The following PLEKHG4B variants were observed in gnomAD, a reference collection of about 807,000 sequenced individuals.
PLEKHG4B encodes the protein pleckstrin homology and RhoGEF domain containing G4B.
In PLEKHG4B, 111 loss-of-function variants were observed where a neutral mutation model predicts 121.3. The observed-to-expected ratio is 0.92, with a 90% confidence interval of 0.78 to 1.07. The LOEUF is 1.07. PLEKHG4B is among the 50% of genes least tolerant of loss of function. PLEKHG4B has a pLI of 0.00. For synonymous variants in PLEKHG4B, 738 were observed against 725.0 expected (o/e 1.02, Z -0.29); for missense variants, 1,831 against 1,757.8 (o/e 1.04, Z -0.74).
At chr5:117,562 A>C (rs1560905427) in intron 2 of PLEKHG4B, among the ~76,000 whole-genome samples, 1 of 152,196 alleles carries the variant, frequency 6.6e-6, no homozygotes. Flanking sequence ...GGAGAAGTTT[A>C]GAGAAAAGGG....
chr5:145,150 C>T (rs776920179), intron 6 of PLEKHG4B, among the ~76,000 whole-genome samples: 5 of 152,326 alleles, frequency 3.3e-5, no homozygotes, highest in South Asian at 2.1e-4. Flanking sequence ...TTGGCCCATC[C>T]GCTGGGGACT....
chr5:170,517 G>A (rs1272476910), intron 14 of PLEKHG4B, among the ~76,000 whole-genome samples: 1 of 152,112 alleles, frequency 6.6e-6, no homozygotes, highest in Non-Finnish European at 1.5e-5. Flanking sequence ...GGCGAGGCTG[G>A]TCTTGAACTC....
chr5:130,112 A>G (rs1734736111), intron 2 of PLEKHG4B, among the ~76,000 whole-genome samples: 1 of 152,054 alleles, frequency 6.6e-6, no homozygotes, highest in Admixed American at 6.5e-5. Context: ...TCATCAGAAA[A>G]AGACAGACTT....
In PLEKHG4B at chr5:171,345, G is replaced by T; in HGVS notation, c.3951G>T (p.Gly1317=). 5 of 1,612,384 alleles carry T rather than the reference G, an allele frequency of 3.1e-6. No homozygotes were observed. The highest frequency in any genetic ancestry group is 4.2e-6 in the Non-Finnish European group (5 of 1,179,812). ...LKEASCGLAQ[G]QELGELRAAE... ...AGGCCAGCTGTGGCCTGGCCCAGGG[G>T]CAGGAGCTGGGCGAGCTCCGAGCCG... Residue 1317 remains glycine (G), a synonymous_variant, in exon 16 of 20, where the codon GGG becomes GGT. Coordinates refer to ENST00000637938, the MANE Select transcript of PLEKHG4B (RefSeq NM_052909.5).
Position 156,521 on chromosome 5 carries a change from A to G in PLEKHG4B, c.2349-252A>G, listed in dbSNP as rs1735786309. Among the ~76,000 whole-genome samples the G allele has an allele frequency of 6.6e-6, 1 of 151,876 alleles. No homozygotes were observed. Among genetic ancestry groups the G allele is most frequent in the African/African-American group, 2.4e-5 (1 of 41,346 alleles). The stretch of plus-strand genomic sequence containing the variant: ...AGCAGTCCCTGTCCATCTCAGCTGC[A>G]CACAGCCAGTCCCGCCTAAGCTGCC... On this transcript the variant is annotated intron_variant, in intron 10 of 19. Coordinates refer to ENST00000637938, the MANE Select transcript of PLEKHG4B (RefSeq NM_052909.5). The surrounding 1 kb of genome is among the most constrained non-coding windows in gnomAD (Gnocchi z 4.4).
At position 156,331 on chromosome 5, in the gene PLEKHG4B, C is replaced by T. The variant is rs1735781568; in HGVS notation, c.2348+121C>T. 2 of 1,115,434 alleles carry T rather than the reference C, an allele frequency of 1.8e-6. No individual in the cohort carries two copies. The highest frequency in any genetic ancestry group is 1.2e-6 in the Non-Finnish European group (1 of 857,278). 69.1% of individuals were successfully genotyped at this position (1,115,434 alleles called of 1,614,324 possible). Reference sequence around the variant, plus strand: ...AGCCCCCTCTGTGCTTGGTCCAGACCTCCATTCTGACAGCCACGCTTTGCC... The same window carrying T: ...AGCCCCCTCTGTGCTTGGTCCAGACTTCCATTCTGACAGCCACGCTTTGCC... On this transcript the variant is annotated intron_variant, in intron 10 of 19. Coordinates refer to ENST00000637938, the MANE Select transcript of PLEKHG4B (RefSeq NM_052909.5). This position sits in a 1 kb window ranked among gnomAD's most constrained non-coding sequence, Gnocchi z 4.4.
chr5:160,036 C>T (rs566197538), intron 11 of PLEKHG4B, among the ~76,000 whole-genome samples: 1 of 152,370 alleles, frequency 6.6e-6, no homozygotes, highest in East Asian at 1.9e-4. Context: ...CACCCAGAAA[C>T]TCCACGTTGT....
At position 174,064 on chromosome 5, in the gene PLEKHG4B, G is replaced by A. The variant is rs761618527; in HGVS notation, c.4368G>A (p.Gly1456=). 77 of 1,594,840 alleles carry A rather than the reference G, an allele frequency of 4.8e-5. No homozygotes were observed. Among genetic ancestry groups the A allele is most frequent in the Non-Finnish European group, 6.2e-5 (73 of 1,171,688 alleles). ...EVKSAWTDVI[G]RILWRQALKS... ...AGAGTGCATGGACCGATGTCATAGG[G>A]AGGATCCTGTGGCGGCAGGCACTAA... Residue 1456 remains glycine (G), a synonymous_variant, in exon 18 of 20, where the codon GGG becomes GGA. Coordinates refer to ENST00000637938, the MANE Select transcript of PLEKHG4B (RefSeq NM_052909.5).
chr5:178,335 C>T (rs1052064079), intron 18 of PLEKHG4B, among the ~76,000 whole-genome samples: 2 of 152,214 alleles, frequency 1.3e-5, no homozygotes, highest in Non-Finnish European at 2.9e-5. Context: ...GGGAGCCTCT[C>T]CTGCCCTGCT....
intron 18 of PLEKHG4B, among the ~76,000 whole-genome samples, chr5:176,246 T>C (rs1290580681): frequency 1.1e-4 from 6 of 57,098 alleles, no homozygotes; most frequent in South Asian, 7.9e-4. Context: ...CTGAAGAGCC[T>C]TCCTGGCCTT....
At chr5:123,310 A>T (rs1423013941) in intron 2 of PLEKHG4B, among the ~76,000 whole-genome samples, 1 of 152,238 alleles carries the variant, frequency 6.6e-6, no homozygotes, top group African/African-American at 2.4e-5. Flanking sequence ...TAAATAATCC[A>T]TGGGTAGAAA....
In PLEKHG4B at chr5:106,681, G is replaced by T. The variant is rs145078872; in HGVS notation, c.46-6570G>T. On this transcript the variant is annotated intron_variant, in intron 1 of 19. Transcript: ENST00000637938. ...GAATTTACGAGTGGCTCCCCCTGCA[G>T]CAGGGTGAGGGCTGAGAGCAGACGT... 6.8e-3 allele frequency among the ~76,000 whole-genome samples: 1,036 copies of T among 152,348 alleles called. 8 individuals carry two copies. The highest frequency in any genetic ancestry group is 0.02 in the African/African-American group (849 of 41,578).
rs1735771816 is a variant in PLEKHG4B at position 156,112 on chromosome 5, G to A, written c.2250G>A (p.Lys750=). Residue 750 remains lysine (K), a synonymous_variant, in exon 10 of 20, where the codon AAG becomes AAA. Transcript: ENST00000637938. This position sits in a 1 kb window ranked among gnomAD's most constrained non-coding sequence, Gnocchi z 4.4. ...ELIDQHETMM[K]LVLEDPLLVS... ...TTGACCAGCATGAGACGATGATGAAGCTTGTCCTGGAAGACCCACTGCTTG... is the reference window on the plus strand; with the variant it reads ...TTGACCAGCATGAGACGATGATGAAACTTGTCCTGGAAGACCCACTGCTTG... The A allele has an allele frequency of 6.2e-7, 1 of 1,600,026 alleles. No individual in the cohort carries two copies. Among genetic ancestry groups the A allele is most frequent in the Non-Finnish European group, 8.5e-7 (1 of 1,173,002 alleles).
In PLEKHG4B at chr5:113,006, A is replaced by T. The variant is rs978672305; in HGVS notation, c.46-245A>T. 6.6e-6 allele frequency among the ~76,000 whole-genome samples: 1 copy of T among 152,158 alleles called. No individual in the cohort carries two copies. Among genetic ancestry groups the T allele is most frequent in the Non-Finnish European group, 1.5e-5 (1 of 68,030 alleles). Reference sequence around the variant, plus strand: ...TGGTATATAGAGCCCCTGCCCCAGGACAGGGCCACGGGTCTGCCTAATGCA... The same window carrying T: ...TGGTATATAGAGCCCCTGCCCCAGGTCAGGGCCACGGGTCTGCCTAATGCA... On this transcript the variant is annotated intron_variant, in intron 1 of 19. Coordinates refer to ENST00000637938, the MANE Select transcript of PLEKHG4B (RefSeq NM_052909.5). This position sits in a 1 kb window ranked among gnomAD's most constrained non-coding sequence, Gnocchi z 5.2.
At chr5:155,043 G>C in intron 8 of PLEKHG4B, 52 bp downstream of exon 8, 1 of 1,442,054 alleles carries the variant, frequency 6.9e-7, no homozygotes, top group Non-Finnish European at 9.7e-7. Context: ...GGGACTTTCT[G>C]TTATGTGGTT....
chr5:121,201 C>T (rs190916519), intron 2 of PLEKHG4B, among the ~76,000 whole-genome samples: 1,963 of 151,064 alleles, frequency 0.013, 34 homozygotes, highest in African/African-American at 0.046. Flanking sequence ...GAGCCGAGAT[C>T]GTGCCACTGC....
chr5:181,411 A>G, intron 18 of PLEKHG4B, 103 bp from the exon 19 acceptor site: 1 of 1,264,466 alleles, frequency 7.9e-7, no homozygotes, highest in South Asian at 1.4e-5. Flanking sequence ...TACCCTGTAC[A>G]CCCTCCTGGT....
intron 18 of PLEKHG4B, among the ~76,000 whole-genome samples, chr5:180,202 AT>A (rs1315582098): frequency 6.6e-6 from 1 of 152,092 alleles, no homozygotes; most frequent in African/African-American, 2.4e-5. Context: ...CAGAGGATTT[AT>A]TTTTGTTGGA....
At chr5:130,352 T>TA (rs1471468701) in intron 2 of PLEKHG4B, among the ~76,000 whole-genome samples, 3 of 152,154 alleles carry the variant, frequency 2.0e-5, no homozygotes, top group Non-Finnish European at 4.4e-5. Context: ...ATTTAGCATT[T>TA]AAAAAATACA....
Sources: gnomAD v4.1 joint callset for allele counts (sites outside exome capture counted in the v4.1 genomes callset) on GRCh38, gnomAD v4.1.1 for gene constraint, Gnocchi (gnomAD v3.1) non-coding constraint, MANE v1.5 for transcripts, NCBI Gene and HGNC (gene_info 2026-07-23, HGNC 2026-07-21) for gene names.